Variants in KIF18B observed in about 807,000 individuals in gnomAD.
The protein encoded by KIF18B is kinesin-like protein KIF18B.
KIF18B carries 49 observed loss-of-function variants against 80.9 expected under a neutral mutation model. The observed-to-expected ratio is 0.61, with a 90% CI of 0.48 to 0.77. KIF18B has a LOEUF of 0.77. KIF18B is among the 30% of genes least tolerant of loss of function. The pLI, the probability that KIF18B is intolerant of heterozygous loss-of-function variation, is 0.00. For missense variants in KIF18B, 994 were observed against 1,127.7 expected, an observed-to-expected ratio of 0.88 and a Z score of 1.70; for synonymous variants, 439 against 463.9, an observed-to-expected ratio of 0.95 and a Z score of 0.69.
In KIF18B at chr17:44,925,716, G is replaced by A; in HGVS notation, c.*364C>T. 1 of 253,368 alleles carries A rather than the reference G, an allele frequency of 3.9e-6. No homozygotes were observed. Among genetic ancestry groups the A allele is most frequent in the South Asian group, 4.2e-5 (1 of 23,610 alleles). 15.7% of individuals were successfully genotyped at this position (253,368 alleles called of 1,614,324 possible). A position where few individuals can be genotyped will look rare whatever the true frequency, so the allele number is the denominator to read the frequency against. On this transcript the variant is annotated 3_prime_UTR_variant, in exon 16 of 16. Coordinates refer to ENST00000593135, the MANE Select transcript of KIF18B (RefSeq NM_001265577.2). Reference sequence around the variant, plus strand: ...GAATTACTTGAACCCAGGAGGCGGAGGTTGCAGTGAGCCAAGATCGTACCA... The same window carrying A: ...GAATTACTTGAACCCAGGAGGCGGAAGTTGCAGTGAGCCAAGATCGTACCA...
At chr17:44,944,010 C>T (rs1188578941) in intron 1 of KIF18B, among the ~76,000 whole-genome samples, 1 of 152,196 alleles carries the variant, frequency 6.6e-6, no homozygotes, top group East Asian at 1.9e-4. Flanking sequence ...AGCCACCACA[C>T]CGGCTCCTAT....
Position 44,932,955 on chromosome 17 carries a change from T to A in KIF18B, c.1094A>T (p.His365Leu), listed in dbSNP as rs763004234. The A allele has an allele frequency of 6.2e-7, 1 of 1,607,328 alleles. No homozygotes were observed. The highest frequency in any genetic ancestry group is 8.5e-7 in the Non-Finnish European group (1 of 1,174,432). The stretch of plus-strand genomic sequence containing the variant: ...GCAGATGGTAGCATACTGGCTGATG[T>A]GACAGTCCAGGCTGGTCACATTGCT... ...LKSNVTSLDC[H>L]ISQYATICQQ... Residue 365 changes from histidine to leucine, a missense_variant, in exon 8 of 16, where the codon CAC becomes CTC. Transcript: ENST00000593135.
intron 1 of KIF18B, among the ~76,000 whole-genome samples, chr17:44,943,131 G>A (rs905462325): frequency 2.0e-5 from 3 of 151,640 alleles, no homozygotes; most frequent in Non-Finnish European, 4.4e-5. Flanking sequence ...GGAGAGTCTC[G>A]CTCTGTCGAC....
intron 1 of KIF18B, among the ~76,000 whole-genome samples, chr17:44,946,774 A>G (rs1032226831): frequency 3.9e-5 from 6 of 152,172 alleles, no homozygotes; most frequent in African/African-American, 1.4e-4. Context: ...AGGAGCAGTA[A>G]CAAAGGCCTG....
chr17:44,931,667 G>C lies in KIF18B; in HGVS notation c.1452C>G (p.Thr484=). Residue 484 remains threonine (T), a synonymous_variant, in exon 11 of 16, where the codon ACC becomes ACG. Coordinates refer to ENST00000593135, the MANE Select transcript of KIF18B (RefSeq NM_001265577.2). ...THALPESPRL[T]LQPKPVVGHF... Reference sequence around the variant, plus strand: ...GGCCCACGACTGGCTTGGGCTGCAGGGTCAGGCGAGGGGACTCTGGCAGTG... The same window carrying C: ...GGCCCACGACTGGCTTGGGCTGCAGCGTCAGGCGAGGGGACTCTGGCAGTG... 1 of 1,614,006 alleles carries C rather than the reference G, an allele frequency of 6.2e-7. No individual in the cohort carries two copies. Among genetic ancestry groups the C allele is most frequent in the Admixed American group, 1.7e-5 (1 of 60,022 alleles).
rs1299471565 is a variant in KIF18B at position 44,924,877 on chromosome 17, G to A, written c.*1203C>T. On this transcript the variant is annotated 3_prime_UTR_variant, in exon 16 of 16. Transcript: ENST00000593135. ...TTACACTTTATTTTACACTGAACGT[G>A]TATCCTATGTACAATAGAGTTAAGC... 6.6e-6 allele frequency: 1 copy of A among 152,050 alleles called. No homozygotes were observed. Among genetic ancestry groups the A allele is most frequent in the Non-Finnish European group, 1.5e-5 (1 of 68,026 alleles). 9.4% of individuals were successfully genotyped at this position (152,050 alleles called of 1,614,324 possible). A position where few individuals can be genotyped will look rare whatever the true frequency, so the allele number is the denominator to read the frequency against.
intron 1 of KIF18B, among the ~76,000 whole-genome samples, chr17:44,942,638 C>T (rs929045345): frequency 3.9e-5 from 6 of 152,242 alleles, no homozygotes; most frequent in Admixed American, 2.0e-4. Flanking sequence ...GGACCTTCTT[C>T]TGACATAGTC....
rs1239613431 is a variant in KIF18B at position 44,934,592 on chromosome 17, T to C, written c.602A>G (p.Glu201Gly). The C allele has an allele frequency of 5.0e-6, 8 of 1,610,642 alleles. No homozygotes were observed. The South Asian group carries it at 5.5e-5, about 11-fold the overall frequency. The change falls in exon 5 of 16, where the codon GAG (glutamate) becomes GGG (glycine). Residue 201 changes from glutamate (E) to glycine (G), a missense_variant. Glu to Gly is a moderately conservative substitution (Grantham distance 98). Coordinates refer to ENST00000593135, the MANE Select transcript of KIF18B (RefSeq NM_001265577.2). This position sits in a 1 kb window ranked among gnomAD's most constrained non-coding sequence, Gnocchi z 5.4. ...GTTACGGTTCCCCCTGGTCAGTATC[T>C]CCAGCAGCTGCTCGGCTGAGGCTGG... ...HQPASAEQLL[E>G]ILTRGNRNRT...
intron 3 of KIF18B, 147 bp from the exon 4 acceptor site, chr17:44,935,082 G>T: frequency 1.1e-6 from 1 of 880,198 alleles, no homozygotes; most frequent in Non-Finnish European, 1.7e-6. Context: ...CATGACCACA[G>T]CAGGGTGAAC....
Position 44,936,353 on chromosome 17 carries a change from T to C in KIF18B, c.-9A>G, listed in dbSNP as rs2145716059. The C allele has an allele frequency of 6.3e-7, 1 of 1,596,062 alleles. No homozygotes were observed. The highest frequency in any genetic ancestry group is 8.5e-7 in the Non-Finnish European group (1 of 1,172,972). Reference sequence around the variant, plus strand: ...CTGTCCTCCACTGCCATCACTGTGGTGACACCTGGGTGAGACATGGTGGAG... The same window carrying C: ...CTGTCCTCCACTGCCATCACTGTGGCGACACCTGGGTGAGACATGGTGGAG... On this transcript the variant is annotated 5_prime_UTR_variant, in exon 2 of 16. Coordinates refer to ENST00000593135, the MANE Select transcript of KIF18B (RefSeq NM_001265577.2).
intron 9 of KIF18B, 75 bp from the exon 10 acceptor site, chr17:44,932,281 C>A: frequency 6.7e-7 from 1 of 1,486,420 alleles, no homozygotes. Context: ...AGGATGTGGG[C>A]CAGGTGGGAG....
At chr17:44,930,044 C>CT (rs892770940) in intron 11 of KIF18B, among the ~76,000 whole-genome samples, 1 of 152,210 alleles carries the variant, frequency 6.6e-6, no homozygotes, top group African/African-American at 2.4e-5. Flanking sequence ...CTGAAGCCCC[C>CT]TCCACTGCCC....
intron 1 of KIF18B, among the ~76,000 whole-genome samples, chr17:44,943,730 C>A (rs1489081701): frequency 6.6e-6 from 1 of 151,756 alleles, no homozygotes; most frequent in Non-Finnish European, 1.5e-5. Context: ...TTTTTTTAGA[C>A]CAGGTCTCAT....
intron 1 of KIF18B, among the ~76,000 whole-genome samples, chr17:44,943,003 C>T (rs577608260): frequency 2.4e-4 from 37 of 152,344 alleles, no homozygotes; most frequent in Middle Eastern, 3.4e-3. Flanking sequence ...TTGGGTAGCT[C>T]CCATCTCCCC....
At chr17:44,926,911 C>T in intron 14 of KIF18B, 78 bp downstream of exon 14, 1 of 1,256,998 alleles carries the variant, frequency 8.0e-7, no homozygotes, top group Non-Finnish European at 1.1e-6. Flanking sequence ...ACTGGGGGCC[C>T]AGAGTCGGCC....
Position 44,928,210 on chromosome 17 carries a change from G to A in KIF18B, c.2092C>T (p.Arg698Trp), listed in dbSNP as rs557711997. Reference sequence around the variant, plus strand: ...ATGGCGGAAGGGCCCAGGGGCACCCGGCTTTTGATGACTGTGGCTGGGCAA... The same window carrying A: ...ATGGCGGAAGGGCCCAGGGGCACCCAGCTTTTGATGACTGTGGCTGGGCAA... ...RVCPATVIKSRVPLGPSAMQN... is the reference protein window; with the variant it reads ...RVCPATVIKSWVPLGPSAMQN... The change falls in exon 13 of 16, where the codon CGG becomes TGG. Residue 698 changes from arginine (R) to tryptophan (W), a missense_variant. Transcript: ENST00000593135. 13 of 1,612,844 alleles carry A rather than the reference G, an allele frequency of 8.1e-6. No homozygotes were observed. The highest frequency in any genetic ancestry group is 1.7e-4 in the Middle Eastern group (1 of 6,054).
chr17:44,940,156 T>C (rs1264281453), intron 1 of KIF18B, among the ~76,000 whole-genome samples: 2 of 152,272 alleles, frequency 1.3e-5, no homozygotes, highest in Non-Finnish European at 2.9e-5. Context: ...CATGCAGATC[T>C]TGTATCTGGC....
At chr17:44,931,792 G>A in intron 10 of KIF18B, 63 bp from the exon 11 acceptor site, 1 of 1,579,956 alleles carries the variant, frequency 6.3e-7, no homozygotes, top group Non-Finnish European at 8.6e-7. Context: ...TTTATAAACA[G>A]CTTCTAAAAT....
chr17:44,939,873 C>G (rs909719279), intron 1 of KIF18B, among the ~76,000 whole-genome samples: 4 of 152,072 alleles, frequency 2.6e-5, no homozygotes, highest in Non-Finnish European at 5.9e-5. Flanking sequence ...AGTGCAGTGG[C>G]ACGATCTTGG....
Sources: allele counts gnomAD v4.1 joint callset (sites outside exome capture counted in the v4.1 genomes callset), GRCh38; gene constraint gnomAD v4.1.1; non-coding constraint Gnocchi (gnomAD v3.1); transcripts MANE v1.5; gene names NCBI Gene and HGNC (gene_info 2026-07-23, HGNC 2026-07-21).